FAM91A1: variants seen among roughly 807,000 people sequenced by gnomAD.
The protein encoded by FAM91A1 is protein FAM91A1.
Under a neutral mutation model 113.5 loss-of-function variants are expected in FAM91A1, and 41 were observed. The ratio of observed to expected loss-of-function variants is 0.36; its 90% CI spans 0.28 to 0.47. The LOEUF (loss-of-function observed/expected upper bound fraction) is 0.47, where lower values mean the gene tolerates loss of function less well. Among genes scored for constraint, FAM91A1 ranks in the 20% least tolerant of loss-of-function variants. The pLI, the probability that FAM91A1 is intolerant of heterozygous loss-of-function variation, is 1.00. For synonymous variants in FAM91A1, 307 were observed against 347.9 expected, an observed-to-expected ratio of 0.88 and a Z score of 1.31; for missense variants, 696 against 1,001.2, an observed-to-expected ratio of 0.70 and a Z score of 4.11.
chr8:123,790,550 GT>G (rs1458744173), intron 15 of FAM91A1, among the ~76,000 whole-genome samples: 1 of 152,150 alleles, frequency 6.6e-6, no homozygotes, highest in Non-Finnish European at 1.5e-5. Context: ...ATTTTGATTA[GT>G]TTCATTTACC....
At chr8:123,780,676 T>C in intron 8 of FAM91A1, 134 bp downstream of exon 8, 1 of 645,714 alleles carries the variant, frequency 1.5e-6, no homozygotes, top group Non-Finnish European at 2.5e-6. Flanking sequence ...CATTTTAACA[T>C]AGTACATTGG....
Position 123,788,253 on chromosome 8 carries a change from T to C in FAM91A1, c.1278+503T>C, listed in dbSNP as rs951736251. 31 of 984,710 alleles carry C rather than the reference T, an allele frequency of 3.1e-5. No individual in the cohort carries two copies. The African/African-American group carries it at 4.4e-4, about 14-fold the overall frequency. 61.0% of individuals were successfully genotyped at this position (984,710 alleles called of 1,614,324 possible). A position where few individuals can be genotyped will look rare whatever the true frequency, so the allele number is the denominator to read the frequency against. On this transcript the variant is annotated intron_variant, in intron 14 of 23. Transcript: ENST00000334705. ...TCTTAACCACCTTTTTCCCCGTGAG[T>C]ACAGCCCTAGTTTTCCTTAGCTCTA... is the stretch of plus-strand genomic sequence containing the variant.
intron 1 of FAM91A1, 103 bp from the exon 2 acceptor site, chr8:123,773,977 C>A (rs1814919038): frequency 1.3e-6 from 1 of 794,760 alleles, no homozygotes; most frequent in Non-Finnish European, 2.0e-6. Flanking sequence ...TTAGAGATGC[C>A]AGGATAAAAA....
chr8:123,774,230 C>A (rs558496413), intron 2 of FAM91A1, 66 bp downstream of exon 2: 1 of 1,240,306 alleles, frequency 8.1e-7, no homozygotes, highest in East Asian at 2.4e-5. Context: ...GTAAATCTTT[C>A]TTTTCAATAC....
intron 15 of FAM91A1, among the ~76,000 whole-genome samples, chr8:123,797,762 CTTCTCTG>C (rs1165748709): frequency 6.6e-6 from 1 of 152,206 alleles, no homozygotes; most frequent in African/African-American, 2.4e-5. Flanking sequence ...GCCTCTGTAA[CTTCTCTG>C]TTCAAGGGTC....
chr8:123,775,729 G>A (rs918431306), intron 3 of FAM91A1, among the ~76,000 whole-genome samples: 2 of 152,190 alleles, frequency 1.3e-5, no homozygotes, highest in Admixed American at 6.5e-5. Flanking sequence ...CACTTTGGGA[G>A]GCCAAGGTGG....
At chr8:123,779,069 A>G (rs185663870) in intron 6 of FAM91A1, among the ~76,000 whole-genome samples, 32 of 152,286 alleles carry the variant, frequency 2.1e-4, no homozygotes, top group Non-Finnish European at 1.5e-5. Flanking sequence ...AATACTGGCT[A>G]ACACTTTTGA....
At chr8:123,779,535 T>G (rs1394577279) in intron 6 of FAM91A1, among the ~76,000 whole-genome samples, 1 of 152,186 alleles carries the variant, frequency 6.6e-6, no homozygotes, top group African/African-American at 2.4e-5. Context: ...CCAGGGTACG[T>G]ACTAAATCCA....
At chr8:123,776,092 C>A (rs899534538) in intron 3 of FAM91A1, among the ~76,000 whole-genome samples, 2 of 152,198 alleles carry the variant, frequency 1.3e-5, no homozygotes, top group Non-Finnish European at 2.9e-5. Flanking sequence ...TGTTAGTAGT[C>A]TTGGCTGTTA....
At position 123,773,235 on chromosome 8, in the gene FAM91A1, C is replaced by G. The variant is rs550381205; in HGVS notation, c.73-845C>G. On this transcript the variant is annotated intron_variant, in intron 1 of 23. Transcript: ENST00000334705. The stretch of plus-strand genomic sequence containing the variant: ...TTAAGTGAAAGATGTAGGGACCTGT[C>G]TTTGGTTTTGGCTTACCTATGAGTA... 9.2e-5 allele frequency among the ~76,000 whole-genome samples: 14 copies of G among 152,270 alleles called. No homozygotes were observed. The South Asian group carries it at 2.9e-3, about 32-fold the overall frequency.
rs189953391 is a variant in FAM91A1, at chr8:123,808,190, C to A, written c.2033-82C>A. 76 of 1,083,324 alleles carry A rather than the reference C, an allele frequency of 7.0e-5. No individual in the cohort carries two copies. The African/African-American group carries it at 8.2e-4, about 12-fold the overall frequency. 67.1% of individuals were successfully genotyped at this position (1,083,324 alleles called of 1,614,324 possible). A position where few individuals can be genotyped will look rare whatever the true frequency, so the allele number is the denominator to read the frequency against. On this transcript the variant is annotated intron_variant, in intron 20 of 23. Transcript: ENST00000334705. ...TGTCATCATTACTATTGTCTGAAGT[C>A]TTTTCCATGTTAGGACTGATTTATT... is the stretch of plus-strand genomic sequence containing the variant.
chr8:123,786,738 C>T (rs1815268343), intron 12 of FAM91A1, 128 bp downstream of exon 12: 3 of 748,512 alleles, frequency 4.0e-6, no homozygotes, highest in Non-Finnish European at 6.9e-6. Context: ...GAGTGTTTTA[C>T]TATATTTTGG....
At chr8:123,781,999 C>T (rs12546891) in intron 8 of FAM91A1, among the ~76,000 whole-genome samples, 30,493 of 152,110 alleles carry the variant, frequency 0.2, 3,321 homozygotes, top group East Asian at 0.31. Flanking sequence ...GATAAGCTGA[C>T]GTTGATTCAT....
chr8:123,787,480 G>C (rs1475917176), intron 13 of FAM91A1, 107 bp downstream of exon 13: 3 of 1,052,460 alleles, frequency 2.9e-6, no homozygotes, highest in Non-Finnish European at 4.2e-6. Context: ...TATTCCCGAA[G>C]CACAACTGAC....
At position 123,785,075 on chromosome 8, in the gene FAM91A1, T is replaced by G; in HGVS notation, c.811-6T>G. Reference sequence around the variant, plus strand: ...TGTAAAAATAAATTTTAATTTTATCTTCTAGCTTGCAAATGTCCTTGAGAT... The same window carrying G: ...TGTAAAAATAAATTTTAATTTTATCGTCTAGCTTGCAAATGTCCTTGAGAT... On this transcript the variant is annotated splice_polypyrimidine_tract_variant and splice_region_variant and intron_variant, in intron 9 of 23. Coordinates refer to ENST00000334705, the MANE Select transcript of FAM91A1 (RefSeq NM_144963.4). 1 of 1,584,158 alleles carries G rather than the reference T, an allele frequency of 6.3e-7. No homozygotes were observed. Among genetic ancestry groups the G allele is most frequent in the Non-Finnish European group, 8.6e-7 (1 of 1,166,074 alleles).
At chr8:123,792,739 G>T (rs1223905496) in intron 15 of FAM91A1, among the ~76,000 whole-genome samples, 1 of 152,104 alleles carries the variant, frequency 6.6e-6, no homozygotes, top group African/African-American at 2.4e-5. Context: ...TTGCCTGAGG[G>T]TTAAGACGTC....
At position 123,775,403 on chromosome 8, in the gene FAM91A1, C is replaced by T. The variant is rs1814958232; in HGVS notation, c.309+105C>T. 3.0e-6 allele frequency: 4 copies of T among 1,348,396 alleles called. No individual in the cohort carries two copies. The South Asian group carries it at 5.7e-5, about 19-fold the overall frequency. The allele number at this position is 1,348,396 out of a possible 1,614,324, so 83.5% of individuals were successfully genotyped here. A position where few individuals can be genotyped will look rare whatever the true frequency, so the allele number is the denominator to read the frequency against. On this transcript the variant is annotated intron_variant, in intron 3 of 23. Coordinates refer to ENST00000334705, the MANE Select transcript of FAM91A1 (RefSeq NM_144963.4). ...CTTCAGCTGTCGTCTGCGGTGGACACTCTTTCAGAACTTATAGTGTAAAAA... is the reference window on the plus strand; with the variant it reads ...CTTCAGCTGTCGTCTGCGGTGGACATTCTTTCAGAACTTATAGTGTAAAAA...
Position 123,777,270 on chromosome 8 carries a change from T to C in FAM91A1, c.315T>C (p.Ile105=). ...AATTTTTTTCTTTTTAAAAGGATAT[T>C]ATGAACAGTGAGAAAAGTTATGATT... is the stretch of plus-strand genomic sequence containing the variant. ...FSYYTGIMED[I]MNSEKSYDSL... Residue 105 remains isoleucine (I), a synonymous_variant, in exon 4 of 24, where the codon ATT becomes ATC. Transcript: ENST00000334705. 19 of 1,608,394 alleles carry C rather than the reference T, an allele frequency of 1.2e-5. No homozygotes were observed. Among genetic ancestry groups the C allele is most frequent in the Non-Finnish European group, 1.6e-5 (19 of 1,176,804 alleles).
At chr8:123,808,799 G>A (rs1159242264) in intron 21 of FAM91A1, 94 bp from the exon 22 acceptor site, 25 of 1,243,272 alleles carry the variant, frequency 2.0e-5, no homozygotes, top group Non-Finnish European at 2.7e-5. Context: ...AGGAATCTAT[G>A]AACTTCAGGT....
Sources: gnomAD v4.1 joint callset for allele counts (sites outside exome capture counted in the v4.1 genomes callset) on GRCh38, gnomAD v4.1.1 for gene constraint, MANE v1.5 for transcripts, NCBI Gene and HGNC (gene_info 2026-07-23, HGNC 2026-07-21) for gene names.